Variants in ADGRB3 observed in about 807,000 individuals in gnomAD.
The protein encoded by ADGRB3 is adhesion G protein-coupled receptor B3.
In ADGRB3, 37 loss-of-function variants were observed where a neutral mutation model predicts 193.4. That is an observed-to-expected ratio of 0.19 (90% CI 0.15 to 0.25). The LOEUF is 0.25. ADGRB3 is among the 10% of genes least tolerant of loss of function. ADGRB3 has a pLI of 1.00. For synonymous variants in ADGRB3, 690 were observed against 644.2 expected (o/e 1.07, Z -1.08); for missense variants, 1,637 against 1,852.9 (o/e 0.88, Z 2.14).
At chr6:68,705,034 T>C (rs1293279646) in intron 3 of ADGRB3, among the ~76,000 whole-genome samples, 1 of 152,146 alleles carries the variant, frequency 6.6e-6, no homozygotes, top group South Asian at 2.1e-4. Context: ...ATTTTTGAAA[T>C]GTTGTATTTA....
In ADGRB3 at chr6:68,930,584, A is replaced by G. The variant is rs1278394365; in HGVS notation, c.783A>G (p.Thr261=). The part of the protein sequence containing the change: ...KEEFGMMGDH[T]IKSQRPRSVH... Reference sequence around the variant, plus strand: ...AATTTGGAATGATGGGAGATCATACAATTAAAAGTCAGCGACCTCGATCTG... The same window carrying G: ...AATTTGGAATGATGGGAGATCATACGATTAAAAGTCAGCGACCTCGATCTG... The change falls in exon 4 of 32, where the codon ACA becomes ACG. Residue 261 remains threonine, a synonymous_variant. Coordinates refer to ENST00000370598, the MANE Select transcript of ADGRB3 (RefSeq NM_001704.3). 6.8e-6 allele frequency: 11 copies of G among 1,612,338 alleles called. No homozygotes were observed. The highest frequency in any genetic ancestry group is 2.2e-5 in the East Asian group (1 of 44,792).
chr6:68,697,540 T>C (rs1043754183), intron 3 of ADGRB3, among the ~76,000 whole-genome samples: 6 of 151,980 alleles, frequency 3.9e-5, no homozygotes, highest in African/African-American at 9.7e-5. Flanking sequence ...ATACTACTTA[T>C]CTTAATAATT....
At chr6:68,923,848 C>A (rs1355500797) in intron 3 of ADGRB3, among the ~76,000 whole-genome samples, 2 of 152,000 alleles carry the variant, frequency 1.3e-5, no homozygotes, top group Non-Finnish European at 2.9e-5. Context: ...CATCCAGGGA[C>A]AATTCAGTTT....
chr6:68,695,178 T>C (rs992621752), intron 3 of ADGRB3, among the ~76,000 whole-genome samples: 3 of 152,002 alleles, frequency 2.0e-5, no homozygotes, highest in East Asian at 1.9e-4. Context: ...ATAGCACAGA[T>C]AGCTGCTTGA....
intron 8 of ADGRB3, among the ~76,000 whole-genome samples, chr6:68,962,052 A>G (rs1316126401): frequency 1.3e-5 from 2 of 152,164 alleles, no homozygotes; most frequent in African/African-American, 4.8e-5. Flanking sequence ...GTTAACCTAA[A>G]ACCAGCCACT....
intron 3 of ADGRB3, among the ~76,000 whole-genome samples, chr6:68,782,686 T>G (rs931752073): frequency 6.6e-6 from 1 of 152,032 alleles, no homozygotes; most frequent in Admixed American, 6.6e-5. Context: ...GAGATGGTAT[T>G]TCATTGTGGT....
intron 28 of ADGRB3, among the ~76,000 whole-genome samples, chr6:69,359,005 A>G (rs1769390061): frequency 6.6e-6 from 1 of 151,682 alleles, no homozygotes; most frequent in Non-Finnish European, 1.5e-5. Flanking sequence ...ATCATATTAC[A>G]TTTGTGCAAA....
intron 3 of ADGRB3, among the ~76,000 whole-genome samples, chr6:68,867,535 G>A (rs1765330250): frequency 6.6e-6 from 1 of 152,166 alleles, no homozygotes; most frequent in South Asian, 2.1e-4. Flanking sequence ...TCCCACTGTG[G>A]CACTGCATAG....
At chr6:69,373,781 G>A (rs1469302850) in intron 30 of ADGRB3, among the ~76,000 whole-genome samples, 1 of 151,984 alleles carries the variant, frequency 6.6e-6, no homozygotes, top group African/African-American at 2.4e-5. Context: ...TAGTATAAAG[G>A]AAAGGAGGAA....
At chr6:69,152,765 A>ACTG (rs1198711377) in intron 17 of ADGRB3, among the ~76,000 whole-genome samples, 1 of 152,200 alleles carries the variant, frequency 6.6e-6, no homozygotes, top group Non-Finnish European at 1.5e-5. Flanking sequence ...TTTATATACT[A>ACTG]CTTTACAACA....
chr6:68,865,056 T>C (rs1397363076), intron 3 of ADGRB3, among the ~76,000 whole-genome samples: 1 of 152,176 alleles, frequency 6.6e-6, no homozygotes, highest in Admixed American at 6.5e-5. Flanking sequence ...ACTCTTGGTC[T>C]GCAAATTTAT....
intron 17 of ADGRB3, among the ~76,000 whole-genome samples, chr6:69,187,131 T>G (rs1172556259): frequency 1.3e-5 from 2 of 152,130 alleles, no homozygotes; most frequent in Non-Finnish European, 2.9e-5. Context: ...ATACTATTTA[T>G]ATTGCTTCAT....
chr6:69,091,908 C>T (rs1772721442), intron 17 of ADGRB3, among the ~76,000 whole-genome samples: 1 of 152,048 alleles, frequency 6.6e-6, no homozygotes, highest in Non-Finnish European at 1.5e-5. Context: ...ATAAAAATAA[C>T]TTTTAATTAT....
chr6:69,228,667 A>G (rs1481167156), intron 17 of ADGRB3, among the ~76,000 whole-genome samples: 1 of 152,200 alleles, frequency 6.6e-6, no homozygotes, highest in Non-Finnish European at 1.5e-5. Flanking sequence ...AATGAAGTGC[A>G]TATATATGTT....
chr6:68,763,528 T>C (rs1032495297), intron 3 of ADGRB3, among the ~76,000 whole-genome samples: 1 of 152,220 alleles, frequency 6.6e-6, no homozygotes, highest in Non-Finnish European at 1.5e-5. Flanking sequence ...GAAATTTTAA[T>C]ATACCTATGT....
At chr6:69,261,681 G>A (rs1479213513) in intron 20 of ADGRB3, among the ~76,000 whole-genome samples, 4 of 152,028 alleles carry the variant, frequency 2.6e-5, no homozygotes, top group African/African-American at 9.6e-5. Flanking sequence ...GCAATAATAT[G>A]TAACATTTGG....
At chr6:68,668,568 T>A (rs900343393) in intron 3 of ADGRB3, among the ~76,000 whole-genome samples, 1 of 151,950 alleles carries the variant, frequency 6.6e-6, no homozygotes, top group African/African-American at 2.4e-5. Context: ...TAGGAAATAA[T>A]TTATTTTCAA....
intron 17 of ADGRB3, among the ~76,000 whole-genome samples, chr6:69,083,457 A>G (rs1266618922): frequency 6.6e-6 from 1 of 152,174 alleles, no homozygotes; most frequent in Non-Finnish European, 1.5e-5. Context: ...TGGCACATAT[A>G]TCAGTGAATA....
At chr6:69,382,479 T>G (rs772035064) in intron 30 of ADGRB3, among the ~76,000 whole-genome samples, 1 of 151,880 alleles carries the variant, frequency 6.6e-6, no homozygotes, top group Non-Finnish European at 1.5e-5. Flanking sequence ...CTTTACAAGT[T>G]TAAGTTTTTA....
Sources: gnomAD v4.1 joint callset for allele counts (sites outside exome capture counted in the v4.1 genomes callset) on GRCh38, gnomAD v4.1.1 for gene constraint, MANE v1.5 for transcripts, NCBI Gene and HGNC (gene_info 2026-07-23, HGNC 2026-07-21) for gene names.